Variants in GOSR1 observed in about 807,000 individuals in gnomAD.
GOSR1 encodes the protein golgi SNAP receptor complex member 1, also known as 28 kDa Golgi SNARE protein.
In GOSR1, 21 loss-of-function variants were observed where a neutral mutation model predicts 35.5. The ratio of observed to expected loss-of-function variants is 0.59; its 90% CI spans 0.42 to 0.85. The LOEUF is 0.85. Ranked by LOEUF, GOSR1 falls within the 40% of genes least tolerant of loss-of-function variation. The pLI is 0.00. For synonymous variants in GOSR1, 94 were observed against 106.6 expected, an observed-to-expected ratio of 0.88 and a Z score of 0.73; for missense variants, 285 against 309.6, an observed-to-expected ratio of 0.92 and a Z score of 0.60.
Position 30,525,991 on chromosome 17 carries a change from C to T in GOSR1, c.*3613C>T, listed in dbSNP as rs1361538466. ...AGGGTTTCTTTGCAGAAAGAAACCT[C>T]CAGCAAGGGAAGAGAGGTGTGTGTC... On this transcript the variant is annotated 3_prime_UTR_variant, in exon 9 of 9. Transcript: ENST00000451249. 2 of 152,198 alleles carry T rather than the reference C, an allele frequency of 1.3e-5. No individual in the cohort carries two copies. The highest frequency in any genetic ancestry group is 2.9e-5 in the Non-Finnish European group (2 of 68,056). The allele number at this position is 152,198 out of a possible 1,614,324, so 9.4% of individuals were successfully genotyped here. A position where few individuals can be genotyped will look rare whatever the true frequency, so the allele number is the denominator to read the frequency against.
At chr17:30,514,633 C>T (rs1475495382) in intron 7 of GOSR1, among the ~76,000 whole-genome samples, 3 of 152,238 alleles carry the variant, frequency 2.0e-5, no homozygotes, top group African/African-American at 7.2e-5. Flanking sequence ...TGAACTCTTA[C>T]AATCTGGAAA....
At chr17:30,484,552 TTTG>T (rs1487003058) in intron 3 of GOSR1, 108 bp from the exon 4 acceptor site, 1 of 642,670 alleles carries the variant, frequency 1.6e-6, no homozygotes, top group East Asian at 2.7e-5. Context: ...TTTGTTTTGT[TTTG>T]TTTTGTTTTG....
intron 6 of GOSR1, among the ~76,000 whole-genome samples, chr17:30,498,937 T>C (rs1275975631): frequency 6.6e-6 from 1 of 152,186 alleles, no homozygotes; most frequent in Admixed American, 6.5e-5. Flanking sequence ...TATAGACTCT[T>C]TTAACCGCCA....
At chr17:30,519,039 A>G (rs1967925885) in intron 7 of GOSR1, among the ~76,000 whole-genome samples, 1 of 151,988 alleles carries the variant, frequency 6.6e-6, no homozygotes, top group Non-Finnish European at 1.5e-5. Context: ...GTTCGACCAA[A>G]AGTGACTTTC....
At chr17:30,496,889 A>G (rs1967025465) in intron 6 of GOSR1, among the ~76,000 whole-genome samples, 1 of 152,226 alleles carries the variant, frequency 6.6e-6, no homozygotes, top group Non-Finnish European at 1.5e-5. Context: ...GACTGTTTTC[A>G]TAGAAGTACT....
intron 4 of GOSR1, among the ~76,000 whole-genome samples, chr17:30,487,142 T>G (rs1425957826): frequency 6.6e-6 from 1 of 152,190 alleles, no homozygotes; most frequent in East Asian, 1.9e-4. Flanking sequence ...AAACAGAGTT[T>G]ATATGTAGAC....
At chr17:30,505,543 G>A (rs147421944) in intron 6 of GOSR1, among the ~76,000 whole-genome samples, 23 of 152,250 alleles carry the variant, frequency 1.5e-4, no homozygotes, top group African/African-American at 5.1e-4. Flanking sequence ...TTGCAGTGCC[G>A]TTTTTCTAAC....
At chr17:30,505,075 T>C (rs888327558) in intron 6 of GOSR1, among the ~76,000 whole-genome samples, 1 of 152,266 alleles carries the variant, frequency 6.6e-6, no homozygotes, top group Non-Finnish European at 1.5e-5. Flanking sequence ...ATTATCTGTT[T>C]TTTTAAATGC....
chr17:30,486,922 G>A (rs374683612), intron 4 of GOSR1, among the ~76,000 whole-genome samples: 2 of 152,094 alleles, frequency 1.3e-5, no homozygotes, highest in East Asian at 1.9e-4. Flanking sequence ...GGGTTGTATC[G>A]TTGTTTGTTT....
At chr17:30,514,378 C>G (rs973212582) in intron 7 of GOSR1, among the ~76,000 whole-genome samples, 2 of 152,216 alleles carry the variant, frequency 1.3e-5, no homozygotes, top group African/African-American at 4.8e-5. Flanking sequence ...CCTTATTATG[C>G]TGAACCATGT....
At chr17:30,489,994 C>T in intron 4 of GOSR1, 132 bp from the exon 5 acceptor site, 2 of 586,844 alleles carry the variant, frequency 3.4e-6, no homozygotes, top group Non-Finnish European at 6.2e-6. Flanking sequence ...TTATTTTTAC[C>T]TTTGGTTAAT....
At chr17:30,501,500 CT>C (rs964383095) in intron 6 of GOSR1, among the ~76,000 whole-genome samples, 142 of 144,706 alleles carry the variant, frequency 9.8e-4, no homozygotes, top group Admixed American at 1.2e-3. Flanking sequence ...TTTTCTTTTT[CT>C]TTTTTTTTTT....
At chr17:30,517,607 C>G (rs1466428457) in intron 7 of GOSR1, among the ~76,000 whole-genome samples, 11 of 145,124 alleles carry the variant, frequency 7.6e-5, no homozygotes. Context: ...TTTTTTTGGT[C>G]TTTTTGCTGT....
At chr17:30,492,856 C>T (rs1915131323) in intron 6 of GOSR1, 103 bp downstream of exon 6, 1 of 702,334 alleles carries the variant, frequency 1.4e-6, no homozygotes, top group Non-Finnish European at 2.6e-6. Context: ...AGTGCCTTGT[C>T]CATGCTAATT....
At chr17:30,485,777 T>A (rs1914644026) in intron 4 of GOSR1, among the ~76,000 whole-genome samples, 1 of 152,116 alleles carries the variant, frequency 6.6e-6, no homozygotes, top group Non-Finnish European at 1.5e-5. Context: ...ATCCCAGCAC[T>A]TTGGGAGGCC....
intron 6 of GOSR1, among the ~76,000 whole-genome samples, 168 bp downstream of exon 6, chr17:30,492,921 A>G (rs907147141): frequency 6.6e-6 from 1 of 152,110 alleles, no homozygotes; most frequent in East Asian, 1.9e-4. Context: ...AACTGTTCCA[A>G]CCATAATTAG....
chr17:30,492,124 A>G (rs1293903762), intron 5 of GOSR1, among the ~76,000 whole-genome samples: 1 of 152,216 alleles, frequency 6.6e-6, no homozygotes, highest in East Asian at 1.9e-4. Flanking sequence ...GAAAACAGAA[A>G]AATTAAATTT....
intron 6 of GOSR1, among the ~76,000 whole-genome samples, chr17:30,502,820 AAAAC>A (rs1967262551): frequency 6.6e-6 from 1 of 152,270 alleles, no homozygotes; most frequent in Admixed American, 6.5e-5. Context: ...TCTTAGCACT[AAAAC>A]AGTATATATG....
Position 30,484,669 on chromosome 17 carries a change from G to T in GOSR1, c.241G>T (p.Gly81Trp). 1 of 1,485,714 alleles carries T rather than the reference G, an allele frequency of 6.7e-7. No individual in the cohort carries two copies. Among genetic ancestry groups the T allele is most frequent in the Non-Finnish European group, 9.2e-7 (1 of 1,083,876 alleles). The allele number at this position is 1,485,714 out of a possible 1,614,324, so 92.0% of individuals were successfully genotyped here. A position where few individuals can be genotyped will look rare whatever the true frequency, so the allele number is the denominator to read the frequency against. Residue 81 changes from glycine (G) to tryptophan (W), a missense_variant, in exon 4 of 9, where the codon GGG (glycine) becomes TGG (tryptophan). Around this residue, in one of 3 missense-constraint regions of GOSR1, gnomAD observed 108 missense variants for 98.9 expected, o/e 1.09. Transcript: ENST00000451249. ...EIEQLLARLTGVNDKMAEYTN... is the reference protein window; with the variant it reads ...EIEQLLARLTWVNDKMAEYTN... ...TTTTTTTCTTTATTTCTAGCTTACAGGGGTAAATGATAAAATGGCAGAATA... is the reference window on the plus strand; with the variant it reads ...TTTTTTTCTTTATTTCTAGCTTACATGGGTAAATGATAAAATGGCAGAATA...
Sources: allele counts gnomAD v4.1 joint callset (sites outside exome capture counted in the v4.1 genomes callset), GRCh38; gene constraint gnomAD v4.1.1; regional missense constraint gnomAD v4.1.1; transcripts MANE v1.5; gene names NCBI Gene and HGNC (gene_info 2026-07-23, HGNC 2026-07-21).